ERFE: variants seen among roughly 807,000 people sequenced by gnomAD.
The protein encoded by ERFE is complement C1q tumor necrosis factor-related protein 15.
ERFE carries 25 observed loss-of-function variants against 26.6 expected under a neutral mutation model. That is an observed-to-expected ratio of 0.94 (90% confidence interval 0.69 to 1.31). ERFE has a LOEUF of 1.31. Ranked by LOEUF, ERFE falls within the 40% of genes most tolerant of loss-of-function variation. ERFE has a pLI of 0.00. For missense variants in ERFE, 447 were observed against 440.2 expected (o/e 1.02, Z -0.14); for synonymous variants, 206 against 204.5 (o/e 1.01, Z -0.06).
At position 238,163,841 on chromosome 2, in the gene ERFE, G is replaced by C; in HGVS notation, c.529G>C (p.Asp177His). Residue 177 changes from aspartate to histidine, a missense_variant, in exon 4 of 8, where the codon GAC becomes CAC. Coordinates refer to ENST00000546354, the MANE Select transcript of ERFE (RefSeq NM_001291832.2). ...LAPVSATAGE[D>H]DDDVVGDVLA... is the part of the protein sequence containing the mutation. ...CCCGGTCTCGGCCACCGCCGGGGAGGACGACGACGACGTGGTGGGGGACGT... is the reference window on the plus strand; with the variant it reads ...CCCGGTCTCGGCCACCGCCGGGGAGCACGACGACGACGTGGTGGGGGACGT... The C allele has an allele frequency of 7.6e-7, 1 of 1,318,782 alleles. No individual in the cohort carries two copies. Among genetic ancestry groups the C allele is most frequent in the Non-Finnish European group, 9.6e-7 (1 of 1,041,268 alleles). 81.7% of individuals were successfully genotyped at this position (1,318,782 alleles called of 1,614,324 possible). A position where few individuals can be genotyped will look rare whatever the true frequency, so the allele number is the denominator to read the frequency against.
intron 7 of ERFE, 46 bp from the exon 8 acceptor site, chr2:238,166,910 C>T (rs1348143042): frequency 3.3e-5 from 49 of 1,502,084 alleles, no homozygotes; most frequent in Non-Finnish European, 3.4e-5. Context: ...GTCACCTCTG[C>T]AGGCTGTTGG....
intron 2 of ERFE, 63 bp downstream of exon 2, chr2:238,161,779 C>A: frequency 6.7e-7 from 1 of 1,488,258 alleles, no homozygotes; most frequent in Non-Finnish European, 9.0e-7. Context: ...TCCTCATCCA[C>A]TCCCACTCCT....
At chr2:238,160,147 G>C (rs930295766) in intron 1 of ERFE, among the ~76,000 whole-genome samples, 2 of 152,260 alleles carry the variant, frequency 1.3e-5, no homozygotes, top group Admixed American at 1.3e-4. Flanking sequence ...GGGGCTTCCA[G>C]GTGGAGTTTT....
chr2:238,166,988 C>T lies in ERFE; in HGVS notation c.999C>T (p.Asn333=), dbSNP rs776216657. 1.5e-5 allele frequency: 24 copies of T among 1,550,428 alleles called. No individual in the cohort carries two copies. Among genetic ancestry groups the T allele is most frequent in the South Asian group, 1.1e-4 (9 of 84,068 alleles). ...MGQWTSVFLD[N]ASGCSLTVRS... The stretch of plus-strand genomic sequence containing the variant: ...AGTGGACCTCCGTGTTCTTGGACAA[C>T]GCCAGCGGCTGCTCCCTCACAGTGC... Residue 333 remains asparagine, a synonymous_variant, in exon 8 of 8, where the codon AAC becomes AAT. Transcript: ENST00000546354.
At chr2:238,161,204 G>T (rs554017903) in intron 1 of ERFE, among the ~76,000 whole-genome samples, 2 of 152,210 alleles carry the variant, frequency 1.3e-5, no homozygotes, top group African/African-American at 4.8e-5. Context: ...ACCTATGGGT[G>T]CTCCAGTGGT....
intron 3 of ERFE, 76 bp from the exon 4 acceptor site, chr2:238,163,661 T>C (rs1009673833): frequency 8.1e-7 from 1 of 1,233,230 alleles, no homozygotes. Context: ...CGCTAGCACC[T>C]GTCGTTCAGG....
chr2:238,165,562 GGGTCTCA>G, intron 6 of ERFE, 37 bp from the exon 7 acceptor site: 1 of 1,482,790 alleles, frequency 6.7e-7, no homozygotes, highest in Non-Finnish European at 9.2e-7. Flanking sequence ...GAAGTTGGTG[GGGTCTCA>G]TGGGGCAGGC....
At chr2:238,160,816 C>T (rs1692927154) in intron 1 of ERFE, among the ~76,000 whole-genome samples, 1 of 152,232 alleles carries the variant, frequency 6.6e-6, no homozygotes, top group Non-Finnish European at 1.5e-5. Flanking sequence ...CATCTAAGCC[C>T]TCTTGGGCCG....
Position 238,167,919 on chromosome 2 carries a change from C to T in ERFE, c.*865C>T, listed in dbSNP as rs962479420. Reference sequence around the variant, plus strand: ...CACCCACCAGAGGAAAGATCTAGAACGTCTTTACAGATTGGAGACAGCCGG... The same window carrying T: ...CACCCACCAGAGGAAAGATCTAGAATGTCTTTACAGATTGGAGACAGCCGG... On this transcript the variant is annotated 3_prime_UTR_variant, in exon 8 of 8. Transcript: ENST00000546354. The T allele has an allele frequency of 5.1e-5, 10 of 195,514 alleles. No homozygotes were observed. The highest frequency in any genetic ancestry group is 4.9e-4 in the South Asian group (5 of 10,252). 12.1% of individuals were successfully genotyped at this position (195,514 alleles called of 1,614,324 possible).
chr2:238,163,529 G>A (rs1692971274), intron 3 of ERFE: 8 of 556,482 alleles, frequency 1.4e-5, no homozygotes, highest in Non-Finnish European at 2.1e-5. Context: ...TTCTGCCCGA[G>A]CTTCCCAAAT....
At position 238,161,586 on chromosome 2, in the gene ERFE, T is replaced by C; in HGVS notation, c.199-8T>C. 6.6e-7 allele frequency: 1 copy of C among 1,521,002 alleles called. No homozygotes were observed. The highest frequency in any genetic ancestry group is 8.9e-7 in the Non-Finnish European group (1 of 1,124,422). 94.2% of individuals were successfully genotyped at this position (1,521,002 alleles called of 1,614,324 possible). A position where few individuals can be genotyped will look rare whatever the true frequency, so the allele number is the denominator to read the frequency against. On this transcript the variant is annotated splice_polypyrimidine_tract_variant and splice_region_variant and intron_variant, in intron 1 of 7. Coordinates refer to ENST00000546354, the MANE Select transcript of ERFE (RefSeq NM_001291832.2). The stretch of plus-strand genomic sequence containing the variant: ...GCCAACCGCCCTGCTGGGCTGGCTG[T>C]GTTCCAGGAGCCCACCGCTGAGCGT...
chr2:238,160,187 G>A (rs1262006595), intron 1 of ERFE, among the ~76,000 whole-genome samples: 1 of 152,236 alleles, frequency 6.6e-6, no homozygotes, highest in African/African-American at 2.4e-5. Context: ...GGGGGACACA[G>A]TGACACCAGA....
chr2:238,161,466 C>T (rs1692937593), intron 1 of ERFE, 128 bp from the exon 2 acceptor site: 1 of 1,228,356 alleles, frequency 8.1e-7, no homozygotes, highest in Non-Finnish European at 1.1e-6. Flanking sequence ...CCTTTGAGGG[C>T]ACCACAGGTG....
At chr2:238,165,767 G>A (rs1574769969) in intron 7 of ERFE, 83 bp downstream of exon 7, 1 of 1,303,936 alleles carries the variant, frequency 7.7e-7, no homozygotes, top group Non-Finnish European at 1.1e-6. Context: ...GCTGTTAGAT[G>A]CTCAGGATCA....
At chr2:238,164,976 G>A (rs1321695501) in intron 6 of ERFE, among the ~76,000 whole-genome samples, 1 of 152,112 alleles carries the variant, frequency 6.6e-6, no homozygotes, top group Non-Finnish European at 1.5e-5. Flanking sequence ...CCACCTCAGG[G>A]ACTTTCATCT....
rs1480859392 is a variant in ERFE, at chr2:238,164,322, C to G, written c.849C>G (p.Arg283=). The G allele has an allele frequency of 2.0e-6, 3 of 1,534,656 alleles. No homozygotes were observed. Among genetic ancestry groups the G allele is most frequent in the Non-Finnish European group, 2.6e-6 (3 of 1,143,402 alleles). The change falls in exon 6 of 8, where the codon CGC becomes CGG. Residue 283 remains arginine, a synonymous_variant. Transcript: ENST00000546354. ...RGPPRPRDHL[R]LLICIQSRCQ... is the part of the protein sequence containing the mutation. ...CGCCGCGCCCCCGGGACCACCTGCGCCTGCTCATCTGCATCCAGTCCCGGT... is the reference window on the plus strand; with the variant it reads ...CGCCGCGCCCCCGGGACCACCTGCGGCTGCTCATCTGCATCCAGTCCCGGT...
At chr2:238,166,187 T>C (rs1418167448) in intron 7 of ERFE, among the ~76,000 whole-genome samples, 1 of 152,086 alleles carries the variant, frequency 6.6e-6, no homozygotes, top group East Asian at 1.9e-4. Context: ...GACATAAAGG[T>C]GGAATTTACT....
chr2:238,164,392 G>A, intron 6 of ERFE, 32 bp downstream of exon 6: 4 of 1,534,862 alleles, frequency 2.6e-6, no homozygotes, highest in Non-Finnish European at 2.6e-6. Flanking sequence ...CCCCACACCC[G>A]CATTCGCTCG....
intron 6 of ERFE, among the ~76,000 whole-genome samples, chr2:238,165,111 C>T (rs940550168): frequency 2.6e-5 from 4 of 152,210 alleles, no homozygotes; most frequent in Admixed American, 2.0e-4. Context: ...ATCCCTTGCT[C>T]CTGCACCATC....
Sources: gnomAD v4.1 joint callset for allele counts (sites outside exome capture counted in the v4.1 genomes callset) on GRCh38, gnomAD v4.1.1 for gene constraint, MANE v1.5 for transcripts, NCBI Gene and HGNC (gene_info 2026-07-23, HGNC 2026-07-21) for gene names.